The following CNTN6 variants were observed in gnomAD, a reference collection of about 807,000 sequenced individuals.
CNTN6 encodes contactin 6.
A neutral mutation model predicts 122.8 loss-of-function variants in CNTN6; 137 were observed. The ratio of observed to expected loss-of-function variants is 1.12; its 90% CI spans 0.97 to 1.29. CNTN6 has a LOEUF of 1.29. CNTN6 is among the 50% of genes most tolerant of loss of function. The pLI, the probability that CNTN6 is intolerant of heterozygous loss-of-function variation, is 0.00. For synonymous variants in CNTN6, 570 were observed against 426.0 expected (o/e 1.34, Z -4.16); for missense variants, 1,634 against 1,223.4 (o/e 1.34, Z -5.01).
Position 1,281,464 on chromosome 3 carries a change from CTTTT to C in CNTN6, c.454+2971_454+2974del, listed in dbSNP as rs4065407. Among the ~76,000 whole-genome samples, 231 of 136,934 alleles carry C rather than the reference CTTTT, an allele frequency of 1.7e-3. 1 individual carries two copies. Among genetic ancestry groups the C allele is most frequent in the Middle Eastern group, 7.7e-3 (2 of 260 alleles). The allele number at this position is 136,934 out of a possible 152,430, so 89.8% of individuals were successfully genotyped here. A position where few individuals can be genotyped will look rare whatever the true frequency, so the allele number is the denominator to read the frequency against. Reference sequence around the variant, plus strand: ...AGAGATAGAAGGCCATAAAAGTTGACTTTTTTTTTTTTTTTTTTGAGACGGAGTC... The same window carrying C: ...AGAGATAGAAGGCCATAAAAGTTGACTTTTTTTTTTTTTTGAGACGGAGTC... On this transcript the variant is annotated intron_variant, in intron 5 of 22. Coordinates refer to ENST00000446702, the MANE Select transcript of CNTN6 (RefSeq NM_001289080.2).
rs190450696 is a variant in CNTN6 at position 1,100,726 on chromosome 3, T to G, written c.-83+7606T>G. Among the ~76,000 whole-genome samples the G allele has an allele frequency of 5.3e-4, 81 of 152,282 alleles. 1 individual carries two copies. Among genetic ancestry groups the G allele is most frequent in the South Asian group, 4.1e-3 (20 of 4,828 alleles). On this transcript the variant is annotated intron_variant, in intron 1 of 22. Coordinates refer to ENST00000446702, the MANE Select transcript of CNTN6 (RefSeq NM_001289080.2). Reference sequence around the variant, plus strand: ...ACCAATCTGTATTTTATACTTTTATTTTTTAAAAAACAGTTTTAATTTCTA... The same window carrying G: ...ACCAATCTGTATTTTATACTTTTATGTTTTAAAAAACAGTTTTAATTTCTA...
At chr3:1,237,949 A>G (rs909104618) in intron 4 of CNTN6, among the ~76,000 whole-genome samples, 1 of 152,050 alleles carries the variant, frequency 6.6e-6, no homozygotes, top group Non-Finnish European at 1.5e-5. Context: ...ACCTCCTTGA[A>G]GCACACATCT....
rs1442103916 is a variant in CNTN6, at chr3:1,382,945, A to G, written c.2170A>G (p.Ile724Val). 2 of 1,612,502 alleles carry G rather than the reference A, an allele frequency of 1.2e-6. No individual in the cohort carries two copies. The highest frequency in any genetic ancestry group is 1.1e-5 in the South Asian group (1 of 91,022). ...GATTGATCACATTCTGCCCAAGTCA[A>G]TTCCAGAAGAACTGCAGAATGGGGA... The part of the protein sequence containing the change: ...RSELVITWES[I>V]PEELQNGEGF... Residue 724 changes from isoleucine (I) to valine (V), a missense_variant, in exon 18 of 23, where the codon ATT becomes GTT. Coordinates refer to ENST00000446702, the MANE Select transcript of CNTN6 (RefSeq NM_001289080.2).
chr3:1,207,801 A>G (rs548208924), intron 2 of CNTN6, among the ~76,000 whole-genome samples: 1 of 152,112 alleles, frequency 6.6e-6, no homozygotes, highest in Non-Finnish European at 1.5e-5. Flanking sequence ...AATGAATAAA[A>G]AATAAATTAA....
intron 20 of CNTN6, among the ~76,000 whole-genome samples, chr3:1,401,121 T>A (rs1005590568): frequency 4.3e-5 from 4 of 93,846 alleles, no homozygotes; most frequent in African/African-American, 1.8e-4. Context: ...GAATCCTAGA[T>A]AAAGAGACCC....
intron 4 of CNTN6, among the ~76,000 whole-genome samples, chr3:1,267,486 A>G (rs753048902): frequency 1.3e-5 from 2 of 152,162 alleles, no homozygotes; most frequent in Non-Finnish European, 2.9e-5. Context: ...TCAGTAATTA[A>G]GAGGTCCCCG....
intron 9 of CNTN6, 47 bp from the exon 10 acceptor site, chr3:1,327,410 T>G (rs777304038): frequency 6.4e-7 from 1 of 1,569,842 alleles, no homozygotes; most frequent in East Asian, 2.3e-5. Flanking sequence ...GTTAAGAGAA[T>G]GCTATATTAA....
chr3:1,207,629 C>G (rs990670471), intron 2 of CNTN6, among the ~76,000 whole-genome samples: 19 of 152,042 alleles, frequency 1.2e-4, no homozygotes, highest in Non-Finnish European at 2.2e-4. Flanking sequence ...ACAACAATCT[C>G]ATATAACTTC....
intron 1 of CNTN6, among the ~76,000 whole-genome samples, chr3:1,117,296 A>G (rs2091762539): frequency 6.6e-6 from 1 of 152,226 alleles, no homozygotes; most frequent in Non-Finnish European, 1.5e-5. Context: ...GACCAAGGAC[A>G]GAAGAACATG....
intron 1 of CNTN6, among the ~76,000 whole-genome samples, chr3:1,116,564 A>C (rs137890663): frequency 1.4e-3 from 215 of 152,292 alleles, no homozygotes; most frequent in African/African-American, 5.0e-3. Flanking sequence ...GAAAGTACTG[A>C]ATATGGAATA....
intron 4 of CNTN6, among the ~76,000 whole-genome samples, chr3:1,268,668 T>G (rs1009534335): frequency 1.3e-5 from 2 of 152,148 alleles, no homozygotes; most frequent in African/African-American, 4.8e-5. Flanking sequence ...TCACATATTT[T>G]TGACTTTAGG....
intron 4 of CNTN6, among the ~76,000 whole-genome samples, chr3:1,269,550 C>T (rs555518164): frequency 6.6e-6 from 1 of 152,232 alleles, no homozygotes; most frequent in Admixed American, 6.5e-5. Context: ...ACATCTAGCA[C>T]TTGTATATTT....
At chr3:1,395,776 G>C (rs1477276701) in intron 20 of CNTN6, among the ~76,000 whole-genome samples, 3 of 152,156 alleles carry the variant, frequency 2.0e-5, no homozygotes, top group Admixed American at 2.0e-4. Context: ...AAATTATTGA[G>C]CACTTCTATG....
intron 2 of CNTN6, among the ~76,000 whole-genome samples, chr3:1,188,473 T>A (rs183540978): frequency 6.6e-6 from 1 of 152,302 alleles, no homozygotes; most frequent in East Asian, 1.9e-4. Context: ...TGTAATTGCT[T>A]TAGAAAAAAA....
intron 4 of CNTN6, among the ~76,000 whole-genome samples, chr3:1,248,890 G>T (rs1428800423): frequency 6.6e-6 from 1 of 152,260 alleles, no homozygotes; most frequent in South Asian, 2.1e-4. Flanking sequence ...GTGAAGCTAG[G>T]ATTTGATGCC....
At chr3:1,209,973 C>G (rs1180761145) in intron 2 of CNTN6, among the ~76,000 whole-genome samples, 2 of 152,164 alleles carry the variant, frequency 1.3e-5, no homozygotes, top group East Asian at 3.9e-4. Context: ...TATCTCTCTA[C>G]TTAGACTAGT....
chr3:1,120,964 T>C (rs1042979547), intron 1 of CNTN6, among the ~76,000 whole-genome samples: 1 of 131,664 alleles, frequency 7.6e-6, no homozygotes, highest in Non-Finnish European at 1.7e-5. Flanking sequence ...TAAAGTTTGT[T>C]TGGAGATTAG....
At chr3:1,206,939 C>T (rs1429316048) in intron 2 of CNTN6, among the ~76,000 whole-genome samples, 1 of 152,126 alleles carries the variant, frequency 6.6e-6, no homozygotes, top group Non-Finnish European at 1.5e-5. Context: ...TCCTCCTCAC[C>T]AGTGTGATCT....
At chr3:1,146,615 T>A (rs1378656072) in intron 1 of CNTN6, among the ~76,000 whole-genome samples, 1 of 152,150 alleles carries the variant, frequency 6.6e-6, no homozygotes, top group East Asian at 1.9e-4. Flanking sequence ...TTTTTTGTTT[T>A]GTTTCTCTGT....
Sources: gnomAD v4.1 joint callset for allele counts (sites outside exome capture counted in the v4.1 genomes callset) on GRCh38, gnomAD v4.1.1 for gene constraint, MANE v1.5 for transcripts, NCBI Gene and HGNC (gene_info 2026-07-23, HGNC 2026-07-21) for gene names.